Variants in CDK6 observed in about 807,000 individuals in gnomAD.
CDK6 encodes the protein cyclin-dependent kinase 6.
In CDK6, 6 loss-of-function variants were observed where a neutral mutation model predicts 37.1. The observed-to-expected ratio is 0.16, with a 90% confidence interval of 0.09 to 0.32. The LOEUF (loss-of-function observed/expected upper bound fraction) is 0.32. Ranked by LOEUF, CDK6 falls within the 10% of genes least tolerant of loss-of-function variation. The pLI is 1.00. For synonymous variants in CDK6, 160 were observed against 161.3 expected (o/e 0.99, Z 0.06); for missense variants, 224 against 418.9 (o/e 0.53, Z 4.06).
intron 5 of CDK6, among the ~76,000 whole-genome samples, chr7:92,660,403 C>CT (rs760301842): frequency 6.6e-5 from 10 of 152,134 alleles, no homozygotes; most frequent in Non-Finnish European, 1.2e-4. Context: ...AGGAGAAAAA[C>CT]TTTGAGGCAT....
intron 4 of CDK6, among the ~76,000 whole-genome samples, chr7:92,720,728 C>T (rs1339798703): frequency 6.6e-6 from 1 of 152,104 alleles, no homozygotes; most frequent in East Asian, 1.9e-4. Context: ...AAATTGCTGG[C>T]TGAGTGGCTG....
intron 5 of CDK6, among the ~76,000 whole-genome samples, chr7:92,649,117 A>T (rs1415159024): frequency 2.0e-5 from 3 of 152,152 alleles, no homozygotes; most frequent in Non-Finnish European, 4.4e-5. Context: ...GAAATTCAAA[A>T]TTTACATTAA....
intron 2 of CDK6, among the ~76,000 whole-genome samples, chr7:92,807,924 A>G (rs937013575): frequency 6.6e-6 from 1 of 152,166 alleles, no homozygotes; most frequent in African/African-American, 2.4e-5. Flanking sequence ...ATGCTCAACA[A>G]AGATTAAATT....
intron 2 of CDK6, among the ~76,000 whole-genome samples, chr7:92,818,459 C>T (rs1198857270): frequency 2.0e-5 from 3 of 151,594 alleles, no homozygotes; most frequent in Non-Finnish European, 4.4e-5. Flanking sequence ...GAATGCATCA[C>T]AAATCTAAAA....
At chr7:92,816,962 T>C (rs1042961903) in intron 2 of CDK6, among the ~76,000 whole-genome samples, 3 of 151,900 alleles carry the variant, frequency 2.0e-5, no homozygotes, top group African/African-American at 4.8e-5. Flanking sequence ...AACCCTAGGA[T>C]AGACAAATCC....
chr7:92,834,134 C>T lies in CDK6; in HGVS notation c.-367-444G>A, dbSNP rs574268700. ...GCAGGGAGACGGGGTCCAGGGGTGC[C>T]GGAGGGCGTTCAGGGGTCGCGCACA... On this transcript the variant is annotated intron_variant, in intron 1 of 7. Transcript: ENST00000424848. The surrounding 1 kb of genome is among the most constrained non-coding windows in gnomAD (Gnocchi z 4.6). Among the ~76,000 whole-genome samples, 1 of 152,118 alleles carries T rather than the reference C, an allele frequency of 6.6e-6. No individual in the cohort carries two copies. The highest frequency in any genetic ancestry group is 1.5e-5 in the Non-Finnish European group (1 of 67,978).
chr7:92,827,584 G>C (rs1049695692), intron 2 of CDK6, among the ~76,000 whole-genome samples: 1 of 152,162 alleles, frequency 6.6e-6, no homozygotes, highest in Non-Finnish European at 1.5e-5. Flanking sequence ...AAATCTCTCT[G>C]ATTGCTGGCC....
intron 3 of CDK6, among the ~76,000 whole-genome samples, chr7:92,755,759 GC>G: frequency 6.6e-6 from 1 of 152,202 alleles, no homozygotes; most frequent in African/African-American, 2.4e-5. Context: ...TACCATTCAG[GC>G]AAAAGGGAAC....
At chr7:92,661,447 T>C (rs559209481) in intron 5 of CDK6, among the ~76,000 whole-genome samples, 342 of 152,294 alleles carry the variant, frequency 2.2e-3, no homozygotes, top group Admixed American at 4.5e-3. Context: ...TAACTACTAA[T>C]GGCCGAGTAT....
chr7:92,617,540 A>G (rs761099907), intron 7 of CDK6, among the ~76,000 whole-genome samples: 1 of 152,186 alleles, frequency 6.6e-6, no homozygotes, highest in Non-Finnish European at 1.5e-5. Context: ...ATGGTTGAGC[A>G]TTAAGAGTCT....
chr7:92,650,888 TTC>T (rs1001524968), intron 5 of CDK6, among the ~76,000 whole-genome samples: 12 of 152,080 alleles, frequency 7.9e-5, no homozygotes, highest in African/African-American at 2.2e-4. Flanking sequence ...CCTGAGAAAA[TTC>T]TCTCTCTTTT....
chr7:92,807,303 C>T (rs566053893), intron 2 of CDK6, among the ~76,000 whole-genome samples: 2 of 152,026 alleles, frequency 1.3e-5, no homozygotes, highest in South Asian at 4.2e-4. Context: ...ACATGTATAT[C>T]TATATCTAGA....
chr7:92,625,983 CA>C (rs1166095649), intron 5 of CDK6, among the ~76,000 whole-genome samples: 2 of 151,834 alleles, frequency 1.3e-5, no homozygotes, highest in African/African-American at 2.4e-5. Context: ...AGTGATCTTT[CA>C]AAAAAATATT....
chr7:92,641,545 C>G (rs1796305627), intron 5 of CDK6, among the ~76,000 whole-genome samples: 1 of 152,132 alleles, frequency 6.6e-6, no homozygotes, highest in African/African-American at 2.4e-5. Flanking sequence ...TAGACTTATA[C>G]TCTTTACTCG....
intron 5 of CDK6, among the ~76,000 whole-genome samples, chr7:92,667,703 C>T (rs1038102681): frequency 2.6e-5 from 4 of 151,946 alleles, no homozygotes; most frequent in African/African-American, 9.7e-5. Context: ...AGGCACACAC[C>T]ACCATGTCTG....
chr7:92,690,933 C>A (rs1221383530), intron 4 of CDK6, among the ~76,000 whole-genome samples: 1 of 152,140 alleles, frequency 6.6e-6, no homozygotes, highest in Admixed American at 6.6e-5. Context: ...GTGAGGACAT[C>A]TTGCTATATA....
chr7:92,804,293 CCT>C (rs957153514), intron 2 of CDK6, among the ~76,000 whole-genome samples: 18 of 152,230 alleles, frequency 1.2e-4, no homozygotes, highest in African/African-American at 3.4e-4. Context: ...TTTTTAAACC[CCT>C]GATTCCCTAG....
rs557431841 is a variant in CDK6 at position 92,636,595 on chromosome 7, T to G, written c.648-13509A>C. Among the ~76,000 whole-genome samples, 29 of 152,242 alleles carry G rather than the reference T, an allele frequency of 1.9e-4. No homozygotes were observed. In the South Asian group the frequency reaches 6.0e-3, roughly 31 times the overall value. On this transcript the variant is annotated intron_variant, in intron 5 of 7. Coordinates refer to ENST00000424848, the MANE Select transcript of CDK6 (RefSeq NM_001145306.2). ...CACTCATAAGAAATGAAACAGCATT[T>G]GATAAAAAACAGCATGTACAGGAAT...
intron 2 of CDK6, among the ~76,000 whole-genome samples, chr7:92,793,726 A>G (rs1800337053): frequency 6.6e-6 from 1 of 152,156 alleles, no homozygotes; most frequent in Non-Finnish European, 1.5e-5. Context: ...AACATAAGCA[A>G]TATTAGAAAG....
Sources: allele counts gnomAD v4.1 joint callset (sites outside exome capture counted in the v4.1 genomes callset), GRCh38; gene constraint gnomAD v4.1.1; non-coding constraint Gnocchi (gnomAD v3.1); transcripts MANE v1.5; gene names NCBI Gene and HGNC (gene_info 2026-07-23, HGNC 2026-07-21).